Variants in XPR1 observed in about 807,000 individuals in gnomAD.
XPR1 encodes xenotropic and polytropic retrovirus receptor 1.
Under a neutral mutation model 87.5 loss-of-function variants are expected in XPR1, and 28 were observed. The ratio of observed to expected loss-of-function variants is 0.32; its 90% CI spans 0.24 to 0.44. XPR1 has a LOEUF of 0.44. Among genes scored for constraint, XPR1 ranks in the 20% least tolerant of loss-of-function variants. The pLI is 1.00. For synonymous variants in XPR1, 300 were observed against 306.1 expected (o/e 0.98, Z 0.21); for missense variants, 559 against 862.3 (o/e 0.65, Z 4.41).
intron 2 of XPR1, among the ~76,000 whole-genome samples, chr1:180,704,848 A>G (rs950677719): frequency 1.8e-5 from 2 of 110,004 alleles, no homozygotes; most frequent in Non-Finnish European, 3.8e-5. Context: ...TTAAGTAATA[A>G]TCATGGAATC....
chr1:180,657,775 T>C (rs187330715), intron 1 of XPR1, among the ~76,000 whole-genome samples: 5 of 152,314 alleles, frequency 3.3e-5, no homozygotes, highest in African/African-American at 1.2e-4. Context: ...TTCTGAGTCT[T>C]TTATGGTTTC....
In XPR1 at chr1:180,836,583, T is replaced by C. The variant is rs779799162; in HGVS notation, c.1368T>C (p.Ala456=). The C allele has an allele frequency of 1.2e-6, 2 of 1,614,214 alleles. No individual in the cohort carries two copies. The highest frequency in any genetic ancestry group is 2.2e-5 in the South Asian group (2 of 91,088). Residue 456 remains alanine, a synonymous_variant, in exon 11 of 15, where the codon GCT becomes GCC. Transcript: ENST00000367590. The part of the protein sequence containing the change: ...GVRAIVQCIP[A]WLRFIQCLRR... ...GGGCCATTGTTCAGTGCATTCCTGC[T>C]TGGCTTCGCTTCATCCAGTGCCTGC...
chr1:180,708,153 A>G (rs1222074738), intron 2 of XPR1, among the ~76,000 whole-genome samples: 4 of 152,234 alleles, frequency 2.6e-5, no homozygotes, highest in Non-Finnish European at 4.4e-5. Context: ...AGGAAGTTTA[A>G]TTGAACATCT....
Position 180,770,416 on chromosome 1 carries a change from C to G in XPR1, c.122-17337C>G, listed in dbSNP as rs563519267. 4.3e-3 allele frequency among the ~76,000 whole-genome samples: 648 copies of G among 152,156 alleles called. 5 individuals are homozygous for G. The highest frequency in any genetic ancestry group is 0.015 in the African/African-American group (610 of 41,506). Reference sequence around the variant, plus strand: ...GTGGAGAGAGATCTCATGTGTTTTTCTCTTTTTAATTTAATCATAAGGGCT... The same window carrying G: ...GTGGAGAGAGATCTCATGTGTTTTTGTCTTTTTAATTTAATCATAAGGGCT... On this transcript the variant is annotated intron_variant, in intron 2 of 14. Transcript: ENST00000367590.
At position 180,882,476 on chromosome 1, in the gene XPR1, C is replaced by T. The variant is rs184302770; in HGVS notation, c.2031-1530C>T. 1.6e-3 allele frequency among the ~76,000 whole-genome samples: 245 copies of T among 152,280 alleles called. 1 individual carries two copies. The highest frequency in any genetic ancestry group is 5.6e-3 in the African/African-American group (231 of 41,528). On this transcript the variant is annotated intron_variant, in intron 14 of 14. Transcript: ENST00000367590. ...GGTTCAAGCACTCCTCCCACCTCAG[C>T]CTCCCAAGTAGTTGGCACTACACGC...
At chr1:180,665,229 A>T (rs1655917024) in intron 1 of XPR1, among the ~76,000 whole-genome samples, 1 of 152,096 alleles carries the variant, frequency 6.6e-6, no homozygotes, top group Non-Finnish European at 1.5e-5. Context: ...AAACCATCAG[A>T]CCTCATGAGA....
At chr1:180,883,353 C>T (rs6676373) in intron 14 of XPR1, among the ~76,000 whole-genome samples, 5,488 of 151,906 alleles carry the variant, frequency 0.036, 367 homozygotes, top group African/African-American at 0.12. Flanking sequence ...ATCGGTGTTA[C>T]CATTCCTGCC....
At chr1:180,811,737 C>T (rs868724695) in intron 7 of XPR1, among the ~76,000 whole-genome samples, 5 of 151,900 alleles carry the variant, frequency 3.3e-5, no homozygotes, top group Non-Finnish European at 7.4e-5. Context: ...CATCATTTTC[C>T]AGTTTCTGTA....
chr1:180,673,199 A>G (rs1199687043), intron 1 of XPR1, among the ~76,000 whole-genome samples: 1 of 152,188 alleles, frequency 6.6e-6, no homozygotes. Flanking sequence ...GAGATGATCT[A>G]ATATGGGTTA....
At chr1:180,670,826 T>C (rs905852125) in intron 1 of XPR1, among the ~76,000 whole-genome samples, 1 of 152,228 alleles carries the variant, frequency 6.6e-6, no homozygotes, top group Non-Finnish European at 1.5e-5. Context: ...TGTTTGAGAA[T>C]GTCCTAATTT....
intron 1 of XPR1, among the ~76,000 whole-genome samples, chr1:180,637,906 T>C (rs1654840533): frequency 6.6e-6 from 1 of 152,198 alleles, no homozygotes; most frequent in African/African-American, 2.4e-5. Context: ...CACAATGAAC[T>C]TGACTGTAAG....
chr1:180,689,568 T>G (rs1369909228), intron 2 of XPR1, among the ~76,000 whole-genome samples: 1 of 152,058 alleles, frequency 6.6e-6, no homozygotes, highest in Non-Finnish European at 1.5e-5. Flanking sequence ...GAGCTTAGAA[T>G]AAGGGGAAAA....
intron 2 of XPR1, among the ~76,000 whole-genome samples, chr1:180,718,672 T>TTTTA (rs1048934609): frequency 6.7e-6 from 1 of 150,288 alleles, no homozygotes; most frequent in African/African-American, 2.4e-5. Context: ...CATCTGTATT[T>TTTTA]TTTTTTTTTT....
At chr1:180,760,166 G>A (rs1022557967) in intron 2 of XPR1, among the ~76,000 whole-genome samples, 1 of 152,074 alleles carries the variant, frequency 6.6e-6, no homozygotes. Context: ...CATACTGAAT[G>A]GGCAAAAACT....
chr1:180,652,018 G>T (rs888457077), intron 1 of XPR1, among the ~76,000 whole-genome samples: 1 of 152,076 alleles, frequency 6.6e-6, no homozygotes. Context: ...CAGGCCAGGC[G>T]TGGTGGCTCA....
intron 2 of XPR1, among the ~76,000 whole-genome samples, chr1:180,702,709 A>G (rs1258298163): frequency 1.3e-5 from 2 of 150,864 alleles, no homozygotes; most frequent in Admixed American, 6.6e-5. Context: ...ATTTCTTTAT[A>G]TTGTTTATCT....
At chr1:180,698,360 G>A (rs1012851913) in intron 2 of XPR1, among the ~76,000 whole-genome samples, 1 of 152,066 alleles carries the variant, frequency 6.6e-6, no homozygotes, top group Non-Finnish European at 1.5e-5. Context: ...GGTGGATCAT[G>A]TTTAAAAAAT....
At chr1:180,665,815 A>G (rs1043242804) in intron 1 of XPR1, among the ~76,000 whole-genome samples, 1 of 152,158 alleles carries the variant, frequency 6.6e-6, no homozygotes, top group Admixed American at 6.5e-5. Flanking sequence ...TACAGAGTAA[A>G]AACCAGTTAC....
At chr1:180,835,499 C>T (rs1285633158) in intron 10 of XPR1, among the ~76,000 whole-genome samples, 1 of 151,914 alleles carries the variant, frequency 6.6e-6, no homozygotes, top group Admixed American at 6.6e-5. Context: ...TTTTCGCACC[C>T]CCCCCTTAGT....
Sources: allele counts gnomAD v4.1 joint callset (sites outside exome capture counted in the v4.1 genomes callset), GRCh38; gene constraint gnomAD v4.1.1; transcripts MANE v1.5; gene names NCBI Gene and HGNC (gene_info 2026-07-23, HGNC 2026-07-21).